Variants in SCN8A observed in about 807,000 individuals in gnomAD.
The protein encoded by SCN8A is sodium channel protein type 8 subunit alpha.
A neutral mutation model predicts 184.1 loss-of-function variants in SCN8A; 30 were observed. The ratio of observed to expected loss-of-function variants is 0.16; its 90% confidence interval spans 0.12 to 0.22. SCN8A has a LOEUF of 0.22. Ranked by LOEUF, SCN8A falls within the 10% of genes least tolerant of loss-of-function variation. The pLI is 1.00. For missense variants in SCN8A, 1,057 were observed against 2,498.9 expected (o/e 0.42, Z 12.30); for synonymous variants, 852 against 907.0 (o/e 0.94, Z 1.09).
In SCN8A at chr12:51,772,306, A is replaced by C. The variant is rs149057152; in HGVS notation, c.3645+1623A>C. 5.8e-3 allele frequency among the ~76,000 whole-genome samples: 877 copies of C among 152,000 alleles called. 9 individuals carry two copies. The highest frequency in any genetic ancestry group is 0.017 in the African/African-American group (717 of 41,444). On this transcript the variant is annotated intron_variant, in intron 19 of 26. Coordinates refer to ENST00000627620, the MANE Select transcript of SCN8A (RefSeq NM_001330260.2). ...GCTACTCAGGAGGCTGAGGCAGGAG[A>C]ATTGCTTGAACCTGGGAGGCGGAGG...
chr12:51,618,825 G>A (rs964833718), intron 1 of SCN8A, among the ~76,000 whole-genome samples: 30 of 152,172 alleles, frequency 2.0e-4, no homozygotes, highest in Non-Finnish European at 3.8e-4. Flanking sequence ...GTCCTGGGAG[G>A]AGACACCCTG....
chr12:51,790,353 T>C (rs1938212543), intron 24 of SCN8A, 45 bp from the exon 25 acceptor site: 1 of 1,403,982 alleles, frequency 7.1e-7, no homozygotes, highest in Non-Finnish European at 9.9e-7. Context: ...CCATAGCATG[T>C]TGAGAGCCAG....
At chr12:51,609,393 C>T (rs117723520) in intron 1 of SCN8A, among the ~76,000 whole-genome samples, 6,223 of 152,160 alleles carry the variant, frequency 0.041, 157 homozygotes, top group Non-Finnish European at 0.064. Flanking sequence ...GTATTGAAGT[C>T]CCCCACTATT....
chr12:51,628,565 C>A (rs79843844), intron 1 of SCN8A, among the ~76,000 whole-genome samples: 4 of 152,120 alleles, frequency 2.6e-5, no homozygotes, highest in Admixed American at 6.5e-5. Context: ...TGTAGGGATT[C>A]GCACAATCTG....
At chr12:51,683,797 A>G (rs1941374909) in intron 2 of SCN8A, among the ~76,000 whole-genome samples, 1 of 152,202 alleles carries the variant, frequency 6.6e-6, no homozygotes, top group Non-Finnish European at 1.5e-5. Context: ...CCAAGCACCT[A>G]GAACACTGTC....
At chr12:51,778,355 G>A (rs959713059) in intron 20 of SCN8A, among the ~76,000 whole-genome samples, 1 of 151,952 alleles carries the variant, frequency 6.6e-6, no homozygotes, top group South Asian at 2.1e-4. Flanking sequence ...CACCATCTCC[G>A]CTCACTGCAA....
Position 51,706,274 on chromosome 12 carries a change from C to T in SCN8A, c.1342-148C>T, listed in dbSNP as rs139104114. ...TCACTTAGGGCTGTGTGCCAGAATACACAGAAACCCTCTAACAGTCTAGGT... is the reference window on the plus strand; with the variant it reads ...TCACTTAGGGCTGTGTGCCAGAATATACAGAAACCCTCTAACAGTCTAGGT... On this transcript the variant is annotated intron_variant, in intron 10 of 26. Transcript: ENST00000627620. 1,567 of 673,948 alleles carry T rather than the reference C, an allele frequency of 2.3e-3. 3 individuals carry two copies. Among genetic ancestry groups the T allele is most frequent in the Non-Finnish European group, 3.3e-3 (1,434 of 436,666 alleles). 41.7% of individuals were successfully genotyped at this position (673,948 alleles called of 1,614,324 possible).
chr12:51,640,212 GTTTTTTTTTTTTTTTTTTTTTTTTTTTT>G (rs57362371), intron 1 of SCN8A, among the ~76,000 whole-genome samples: 3 of 34,732 alleles, frequency 8.6e-5, no homozygotes, highest in African/African-American at 1.2e-4. Context: ...TGCCTGGCCT[GTTTTTTTTTTTTTTTTTTTTTTTTTTTT>G]TTTTTTTTTT....
At chr12:51,778,150 TTAGGG>T (rs1197767964) in intron 20 of SCN8A, among the ~76,000 whole-genome samples, 1 of 152,138 alleles carries the variant, frequency 6.6e-6, no homozygotes. Flanking sequence ...TTCATGAAAA[TTAGGG>T]TAGCCTAATA....
chr12:51,595,319 G>A (rs1319864416), intron 1 of SCN8A, among the ~76,000 whole-genome samples: 1 of 152,188 alleles, frequency 6.6e-6, no homozygotes, highest in African/African-American at 2.4e-5. Flanking sequence ...AGAATAGTTT[G>A]TGCAAGAATG....
chr12:51,796,748 G>A (rs1324992057), intron 26 of SCN8A, among the ~76,000 whole-genome samples: 1 of 152,104 alleles, frequency 6.6e-6, no homozygotes, highest in Non-Finnish European at 1.5e-5. Context: ...CCTTTGGTCT[G>A]GCCAAAGGCC....
chr12:51,786,820 T>G lies in SCN8A; in HGVS notation c.4221T>G (p.Leu1407=). 6.2e-7 allele frequency: 1 copy of G among 1,613,020 alleles called. No homozygotes were observed. Among genetic ancestry groups the G allele is most frequent in the Non-Finnish European group, 8.5e-7 (1 of 1,179,702 alleles). ...TTGGGGCAGGATACCTGGCCCTTCT[T>G]CAAGTAGTAAGTAGTGTTTTTGTTT... is the stretch of plus-strand genomic sequence containing the variant. The part of the protein sequence containing the change: ...DNVGAGYLAL[L]QVATFKGWMD... Residue 1407 remains leucine, a synonymous_variant, in exon 22 of 27, where the codon CTT becomes CTG. Transcript: ENST00000627620.
At chr12:51,712,589 C>T in intron 11 of SCN8A, 1 of 777,490 alleles carries the variant, frequency 1.3e-6, no homozygotes. Flanking sequence ...TTGCTGTTGT[C>T]CACTATAATT....
At chr12:51,683,794 C>G (rs1045686137) in intron 2 of SCN8A, among the ~76,000 whole-genome samples, 1 of 152,170 alleles carries the variant, frequency 6.6e-6, no homozygotes, top group African/African-American at 2.4e-5. Flanking sequence ...TTCCCAAGCA[C>G]CTAGAACACT....
intron 21 of SCN8A, among the ~76,000 whole-genome samples, chr12:51,781,365 C>T (rs1480885221): frequency 6.6e-6 from 1 of 152,158 alleles, no homozygotes; most frequent in Non-Finnish European, 1.5e-5. Context: ...AATGGACTGG[C>T]AGCCTCTGTC....
intron 1 of SCN8A, among the ~76,000 whole-genome samples, chr12:51,612,354 G>A (rs1400826988): frequency 1.3e-5 from 2 of 152,146 alleles, no homozygotes; most frequent in Admixed American, 6.5e-5. Context: ...TGTAGAGACA[G>A]GGTTTTGCCA....
intron 2 of SCN8A, among the ~76,000 whole-genome samples, chr12:51,681,951 G>A (rs908391904): frequency 6.6e-6 from 1 of 151,260 alleles, no homozygotes; most frequent in Non-Finnish European, 1.5e-5. Flanking sequence ...GGGGATGGAG[G>A]TTAAAAAAAA....
chr12:51,668,591 A>G (rs1329939979), intron 2 of SCN8A, among the ~76,000 whole-genome samples: 1 of 152,196 alleles, frequency 6.6e-6, no homozygotes, highest in East Asian at 1.9e-4. Flanking sequence ...TTTTTAGGAC[A>G]GGTCCTAAAA....
intron 25 of SCN8A, among the ~76,000 whole-genome samples, chr12:51,792,611 G>T (rs773684634): frequency 2.6e-5 from 4 of 152,002 alleles, no homozygotes; most frequent in Non-Finnish European, 4.4e-5. Flanking sequence ...GCCAGAGGAG[G>T]GACATTGATG....
Sources: gnomAD v4.1 joint callset for allele counts (sites outside exome capture counted in the v4.1 genomes callset) on GRCh38, gnomAD v4.1.1 for gene constraint, MANE v1.5 for transcripts, NCBI Gene and HGNC (gene_info 2026-07-23, HGNC 2026-07-21) for gene names.